TBC1D19: variants seen among roughly 807,000 people sequenced by gnomAD.
The protein encoded by TBC1D19 is TBC1 domain family member 19.
Under a neutral mutation model 89.0 loss-of-function variants are expected in TBC1D19, and 60 were observed. The ratio of observed to expected loss-of-function variants is 0.67; its 90% CI spans 0.55 to 0.84. The LOEUF (loss-of-function observed/expected upper bound fraction) is 0.84, where lower values mean the gene tolerates loss of function less well. TBC1D19 is among the 40% of genes least tolerant of loss of function. TBC1D19 has a pLI of 0.00. For synonymous variants in TBC1D19, 189 were observed against 199.7 expected, an observed-to-expected ratio of 0.95 and a Z score of 0.45; for missense variants, 500 against 610.8, an observed-to-expected ratio of 0.82 and a Z score of 1.91.
At chr4:26,784,610 A>T in the TBC1D19 span, among the ~76,000 whole-genome samples, 1 of 152,114 alleles carries the variant, frequency 6.6e-6, no homozygotes, top group Admixed American at 6.5e-5. Flanking sequence ...ACATTCCCAA[A>T]TCTTCTCACA....
chr4:26,811,547 A>G, the TBC1D19 span, among the ~76,000 whole-genome samples: 4 of 152,240 alleles, frequency 2.6e-5, no homozygotes, highest in Non-Finnish European at 4.4e-5. Context: ...CCAGACCCCT[A>G]GAGAGGGTTC....
At chr4:26,652,573 C>T (rs920601918) in intron 7 of TBC1D19, among the ~76,000 whole-genome samples, 56 of 151,872 alleles carry the variant, frequency 3.7e-4, no homozygotes, top group African/African-American at 1.3e-3. Flanking sequence ...AGAGATTCAA[C>T]TTCTTCCTGG....
the TBC1D19 span, among the ~76,000 whole-genome samples, chr4:26,776,457 A>G: frequency 2.6e-5 from 4 of 152,272 alleles, no homozygotes; most frequent in African/African-American, 9.6e-5. Flanking sequence ...GTTTTTCCCA[A>G]TTTTGCACTA....
chr4:26,748,439 C>T lies in TBC1D19; in HGVS notation c.1348C>T (p.Arg450Ter), dbSNP rs778566619. ...PLRISFKWMV[R>*]AFSGYLATDQ... ...TCGCATATCATTTAAGTGGATGGTT[C>T]GAGCTTTCTCTGGATACTTAGCTAC... The change falls in exon 19 of 21, where the codon CGA becomes TGA. Residue 450 changes from arginine to a stop codon, truncating the protein, a stop_gained. Coordinates refer to ENST00000264866, the MANE Select transcript of TBC1D19 (RefSeq NM_018317.4). LOFTEE classifies it high-confidence loss of function. 2.5e-6 allele frequency: 4 copies of T among 1,613,582 alleles called. No homozygotes were observed. The highest frequency in any genetic ancestry group is 3.4e-6 in the Non-Finnish European group (4 of 1,179,730).
the TBC1D19 span, among the ~76,000 whole-genome samples, chr4:26,793,534 G>C: frequency 6.6e-6 from 1 of 152,002 alleles, no homozygotes; most frequent in East Asian, 1.9e-4. Context: ...AGACCAGCCT[G>C]GCCAACATGG....
chr4:26,774,523 T>A, the TBC1D19 span, among the ~76,000 whole-genome samples: 2 of 152,230 alleles, frequency 1.3e-5, no homozygotes, highest in South Asian at 4.1e-4. Context: ...GTCTTGAACA[T>A]CTCTTGTCAG....
At position 26,717,988 on chromosome 4, in the gene TBC1D19, G is replaced by A. The variant is rs749216018; in HGVS notation, c.1010G>A (p.Ser337Asn). 1 of 1,611,700 alleles carries A rather than the reference G, an allele frequency of 6.2e-7. No homozygotes were observed. Among genetic ancestry groups the A allele is most frequent in the Non-Finnish European group, 8.5e-7 (1 of 1,178,806 alleles). ...GTGTTGAGTCACTTTGCATTCAACA[G>A]TGCCTCGCCACCAAAATCATACATA... ...TSVLSHFAFNSASPPKSYIRG... is the reference protein window; with the variant it reads ...TSVLSHFAFNNASPPKSYIRG... The change falls in exon 14 of 21, where the codon AGT (serine) becomes AAT (asparagine). Residue 337 changes from serine (S) to asparagine (N), a missense_variant. Ser to Asn is a conservative substitution (Grantham distance 46). This residue lies in a region of TBC1D19 where 220 missense variants were observed against 319.1 expected (regional missense o/e 0.69). Coordinates refer to ENST00000264866, the MANE Select transcript of TBC1D19 (RefSeq NM_018317.4).
downstream of TBC1D19, among the ~76,000 whole-genome samples, chr4:26,758,496 C>G (rs1281665416): frequency 6.6e-6 from 1 of 152,182 alleles, no homozygotes; most frequent in Non-Finnish European, 1.5e-5. Flanking sequence ...GCCAAGTAGT[C>G]ACCATGTACT....
intron 13 of TBC1D19, among the ~76,000 whole-genome samples, chr4:26,705,836 T>C (rs560152979): frequency 1.2e-3 from 176 of 152,264 alleles, no homozygotes; most frequent in Non-Finnish European, 2.2e-3. Context: ...CCTCACAGAA[T>C]GAATTAAGAA....
chr4:26,712,471 C>T (rs551687137), intron 13 of TBC1D19, among the ~76,000 whole-genome samples: 1 of 152,182 alleles, frequency 6.6e-6, no homozygotes, highest in South Asian at 2.1e-4. Context: ...CCTGCTGCTT[C>T]TCTCTTTCAT....
intron 13 of TBC1D19, among the ~76,000 whole-genome samples, chr4:26,708,458 T>G (rs1170132586): frequency 6.6e-6 from 1 of 152,088 alleles, no homozygotes. Context: ...ACTCTTTGAA[T>G]TCATCTTACA....
intron 14 of TBC1D19, among the ~76,000 whole-genome samples, chr4:26,719,351 T>A (rs1577981363): frequency 6.6e-6 from 1 of 152,082 alleles, no homozygotes; most frequent in East Asian, 1.9e-4. Flanking sequence ...CTAACAAGAA[T>A]AAAAAGAACT....
At position 26,739,918 on chromosome 4, in the gene TBC1D19, G is replaced by A. The variant is rs763211377; in HGVS notation, c.1172G>A (p.Arg391His). 163 of 1,595,524 alleles carry A rather than the reference G, an allele frequency of 1.0e-4. No homozygotes were observed. Among genetic ancestry groups the A allele is most frequent in the Middle Eastern group, 1.7e-4 (1 of 6,050 alleles). Reference sequence around the variant, plus strand: ...CCTTCCAAATTGTATCAGATATTCCGTGAGATGTATGTGCGTTTTTTCTTC... The same window carrying A: ...CCTTCCAAATTGTATCAGATATTCCATGAGATGTATGTGCGTTTTTTCTTC... ...HEPSKLYQIF[R>H]EMYVRFFFRL... Residue 391 changes from arginine to histidine, a missense_variant, in exon 17 of 21, where the codon CGT becomes CAT. Arg to His is a conservative substitution (Grantham distance 29, BLOSUM62 0). Coordinates refer to ENST00000264866, the MANE Select transcript of TBC1D19 (RefSeq NM_018317.4).
chr4:26,638,938 T>A (rs1743311140), intron 6 of TBC1D19, 104 bp downstream of exon 6: 1 of 950,720 alleles, frequency 1.1e-6, no homozygotes, highest in African/African-American at 1.7e-5. Flanking sequence ...AAGATTGCAA[T>A]TTTCCTTCTC....
chr4:26,856,187 A>C, the TBC1D19 span, among the ~76,000 whole-genome samples: 2 of 121,632 alleles, frequency 1.6e-5, 1 homozygote, highest in South Asian at 5.4e-4. Context: ...CTATGAGATG[A>C]ACTTTTTTTT....
chr4:26,772,528 G>A, the TBC1D19 span, among the ~76,000 whole-genome samples: 1 of 151,954 alleles, frequency 6.6e-6, no homozygotes, highest in Admixed American at 6.6e-5. Flanking sequence ...ATAGGTAAAC[G>A]TCTGCCATGG....
At chr4:26,685,559 T>C (rs1209267237) in intron 12 of TBC1D19, among the ~76,000 whole-genome samples, 4 of 152,196 alleles carry the variant, frequency 2.6e-5, no homozygotes, top group African/African-American at 7.2e-5. Context: ...AGAAATTTGT[T>C]TAAATTAACA....
At chr4:26,587,812 T>A (rs1237994201) in intron 1 of TBC1D19, among the ~76,000 whole-genome samples, 1 of 151,780 alleles carries the variant, frequency 6.6e-6, no homozygotes, top group Non-Finnish European at 1.5e-5. Context: ...TTAAAAAAAT[T>A]CAATTAAAAA....
the TBC1D19 span, among the ~76,000 whole-genome samples, chr4:26,823,050 G>A: frequency 6.6e-6 from 1 of 152,180 alleles, no homozygotes; most frequent in African/African-American, 2.4e-5. Flanking sequence ...CCAAGACTGG[G>A]CAATTTACAA....
Sources: allele counts gnomAD v4.1 joint callset (sites outside exome capture counted in the v4.1 genomes callset), GRCh38; gene constraint gnomAD v4.1.1; regional missense constraint gnomAD v4.1.1; transcripts MANE v1.5; gene names NCBI Gene and HGNC (gene_info 2026-07-23, HGNC 2026-07-21).